CD86: variants seen among roughly 807,000 people sequenced by gnomAD.
CD86 encodes T-lymphocyte activation antigen CD86.
In CD86, 11 loss-of-function variants were observed where a neutral mutation model predicts 32.1. The observed-to-expected ratio is 0.34, with a 90% CI of 0.22 to 0.57. The LOEUF is 0.57. CD86 is among the 20% of genes least tolerant of loss of function. CD86 has a pLI of 0.86. For missense variants in CD86, 359 were observed against 398.4 expected (o/e 0.90, Z 0.84); for synonymous variants, 137 against 135.3 (o/e 1.01, Z -0.09).
intron 3 of CD86, among the ~76,000 whole-genome samples, 183 bp downstream of exon 3, chr3:122,104,030 G>A (rs2073053214): frequency 6.6e-6 from 1 of 152,026 alleles, no homozygotes; most frequent in Non-Finnish European, 1.5e-5. Flanking sequence ...TGGGAGTAGG[G>A]AACTGAAAGT....
chr3:122,076,829 A>T (rs2072562860), intron 1 of CD86, among the ~76,000 whole-genome samples: 1 of 152,214 alleles, frequency 6.6e-6, no homozygotes, highest in Non-Finnish European at 1.5e-5. Context: ...CAAAGAAGTG[A>T]TTATGAGTCA....
chr3:122,085,655 G>A (rs114947619), intron 1 of CD86, among the ~76,000 whole-genome samples: 25 of 152,314 alleles, frequency 1.6e-4, no homozygotes, highest in African/African-American at 5.8e-4. Context: ...GTGGGCTCTT[G>A]TTCAGGCAAA....
intron 2 of CD86, among the ~76,000 whole-genome samples, chr3:122,101,374 G>C (rs767199056): frequency 1.3e-5 from 2 of 151,678 alleles, no homozygotes; most frequent in Non-Finnish European, 2.9e-5. Flanking sequence ...GGGAGCACTC[G>C]ATGAGTGGAA....
intron 5 of CD86, among the ~76,000 whole-genome samples, chr3:122,111,688 G>T (rs1305000681): frequency 6.6e-6 from 1 of 152,196 alleles, no homozygotes; most frequent in Non-Finnish European, 1.5e-5. Flanking sequence ...AGGAAATTAG[G>T]ATCTCAGTTC....
intron 3 of CD86, among the ~76,000 whole-genome samples, chr3:122,104,600 T>C (rs1302822690): frequency 6.6e-6 from 1 of 152,190 alleles, no homozygotes; most frequent in Non-Finnish European, 1.5e-5. Flanking sequence ...CCTCAGGCTG[T>C]CCCTTCATAG....
At chr3:122,116,968 T>C (rs1306770198) in intron 5 of CD86, among the ~76,000 whole-genome samples, 2 of 152,244 alleles carry the variant, frequency 1.3e-5, no homozygotes, top group African/African-American at 4.8e-5. Context: ...TGACTATATA[T>C]ATTCGTTAAA....
chr3:122,095,469 G>GCCA (rs2072893214), intron 2 of CD86, among the ~76,000 whole-genome samples: 1 of 152,144 alleles, frequency 6.6e-6, no homozygotes, highest in African/African-American at 2.4e-5. Flanking sequence ...ACAGGCATGA[G>GCCA]CCACTGCGCC....
At chr3:122,103,921 GGAGGGGGACTT>G in intron 3 of CD86, 74 bp downstream of exon 3, 4 of 1,281,688 alleles carry the variant, frequency 3.1e-6, no homozygotes, top group Non-Finnish European at 4.4e-6. Context: ...GAAAAACACT[GGAGGGGGACTT>G]GAGGGGCCCA....
At position 122,109,370 on chromosome 3, in the gene CD86, GGAA is replaced by G. The variant is rs111971046; in HGVS notation, c.820_822del (p.Lys274del). 1.6e-4 allele frequency: 251 copies of G among 1,614,044 alleles called. 2 individuals are homozygous for G. The South Asian group carries it at 2.1e-3, about 13-fold the overall frequency. On this transcript the variant is annotated inframe_deletion, in exon 5 of 7. Coordinates refer to ENST00000330540, the MANE Select transcript of CD86 (RefSeq NM_175862.5). ...GTTTTCTGTCTAATTCTATGGAAATGGAAGAAGAAGAAGCGGCCTCGCAACTCT... is the reference window on the plus strand; with the variant it reads ...GTTTTCTGTCTAATTCTATGGAAATGGAAGAAGAAGCGGCCTCGCAACTCT...
At chr3:122,065,611 C>A (rs985457395) in intron 1 of CD86, among the ~76,000 whole-genome samples, 6 of 152,160 alleles carry the variant, frequency 3.9e-5, no homozygotes, top group African/African-American at 1.4e-4. Flanking sequence ...CTGCCTGCCT[C>A]ATTTATATGA....
chr3:122,112,260 G>A (rs553808968), intron 5 of CD86, among the ~76,000 whole-genome samples: 1 of 152,076 alleles, frequency 6.6e-6, no homozygotes, highest in Admixed American at 6.5e-5. Flanking sequence ...TTTCAGGAAT[G>A]ATTTCTTAAA....
At chr3:122,072,616 G>C (rs925844181) in intron 1 of CD86, among the ~76,000 whole-genome samples, 93 of 152,282 alleles carry the variant, frequency 6.1e-4, no homozygotes, top group African/African-American at 2.1e-3. Flanking sequence ...GTTCATTGTA[G>C]ATTCTGGATA....
intron 2 of CD86, among the ~76,000 whole-genome samples, chr3:122,101,519 T>A (rs905924837): frequency 5.5e-3 from 189 of 34,482 alleles, no homozygotes; most frequent in Non-Finnish European, 9.7e-3. Flanking sequence ...AAAAAATATA[T>A]ATATATATAT....
intron 1 of CD86, among the ~76,000 whole-genome samples, chr3:122,089,378 C>T (rs902736286): frequency 2.0e-5 from 3 of 152,198 alleles, no homozygotes; most frequent in Non-Finnish European, 4.4e-5. Flanking sequence ...CTAATTTCAC[C>T]GTTTCCTATT....
intron 5 of CD86, among the ~76,000 whole-genome samples, chr3:122,116,268 A>G (rs1351145554): frequency 6.6e-6 from 1 of 152,232 alleles, no homozygotes; most frequent in African/African-American, 2.4e-5. Flanking sequence ...TGTATCCAGT[A>G]TATAATTACA....
At chr3:122,063,984 A>T (rs980270534) in intron 1 of CD86, among the ~76,000 whole-genome samples, 2 of 152,232 alleles carry the variant, frequency 1.3e-5, no homozygotes, top group African/African-American at 2.4e-5. Context: ...AATGTCCTTT[A>T]ATCTTGGATC....
intron 1 of CD86, among the ~76,000 whole-genome samples, chr3:122,080,707 A>G (rs2681422): frequency 0.8 from 121,994 of 152,064 alleles, 50,085 homozygotes; most frequent in Non-Finnish European, 0.89. Context: ...ACAAATGGGG[A>G]ATAAGGGGGA....
At chr3:122,105,681 C>T (rs1031998508) in intron 3 of CD86, among the ~76,000 whole-genome samples, 1 of 152,124 alleles carries the variant, frequency 6.6e-6, no homozygotes, top group Admixed American at 6.5e-5. Flanking sequence ...TTCTGAATTT[C>T]GAATTCCAAA....
At chr3:122,089,726 T>C (rs2072782767) in intron 1 of CD86, among the ~76,000 whole-genome samples, 1 of 152,234 alleles carries the variant, frequency 6.6e-6, no homozygotes, top group South Asian at 2.1e-4. Context: ...CTGTGTGATA[T>C]GGCATATAAT....
Sources: allele counts gnomAD v4.1 joint callset (sites outside exome capture counted in the v4.1 genomes callset), GRCh38; gene constraint gnomAD v4.1.1; transcripts MANE v1.5; gene names NCBI Gene and HGNC (gene_info 2026-07-23, HGNC 2026-07-21).